SAMD5: variants seen among roughly 807,000 people sequenced by gnomAD.
The protein encoded by SAMD5 is sterile alpha motif domain containing 5, also known as sterile alpha motif domain-containing protein 5.
SAMD5 carries 13 observed loss-of-function variants against 11.3 expected under a neutral mutation model. The ratio of observed to expected loss-of-function variants is 1.15; its 90% CI spans 0.75 to 1.83. The LOEUF (loss-of-function observed/expected upper bound fraction) is 1.83. Ranked by LOEUF, SAMD5 falls within the 40% of genes most tolerant of loss-of-function variation. The pLI, the probability that SAMD5 is intolerant of heterozygous loss-of-function variation, is 0.00. For synonymous variants in SAMD5, 129 were observed against 111.3 expected, an observed-to-expected ratio of 1.16 and a Z score of -1.00; for missense variants, 255 against 239.1, an observed-to-expected ratio of 1.07 and a Z score of -0.44.
intron 1 of SAMD5, among the ~76,000 whole-genome samples, chr6:147,682,192 A>T (rs1339806027): frequency 1.3e-5 from 2 of 151,976 alleles, no homozygotes; most frequent in Non-Finnish European, 2.9e-5. Context: ...TTCTTCCTAT[A>T]CAGTAAGGTG....
chr6:147,912,895 C>CAA, the SAMD5 span, among the ~76,000 whole-genome samples: 3 of 122,160 alleles, frequency 2.5e-5, no homozygotes, highest in Admixed American at 1.6e-4. Context: ...GCTTATTTTA[C>CAA]AAAAAAAAAA....
the SAMD5 span, among the ~76,000 whole-genome samples, chr6:147,804,531 T>TAATA: frequency 6.6e-6 from 1 of 152,220 alleles, no homozygotes; most frequent in Non-Finnish European, 1.5e-5. Flanking sequence ...ACTGCTTGTT[T>TAATA]AATAAATGAA....
intron 1 of SAMD5, among the ~76,000 whole-genome samples, chr6:147,580,586 G>A (rs1057228683): frequency 4.6e-5 from 7 of 152,236 alleles, no homozygotes; most frequent in Non-Finnish European, 7.3e-5. Context: ...TGTGGACGCT[G>A]AGCATGTGCA....
At chr6:147,887,543 A>C in the SAMD5 span, among the ~76,000 whole-genome samples, 3 of 152,190 alleles carry the variant, frequency 2.0e-5, no homozygotes, top group Non-Finnish European at 4.4e-5. Flanking sequence ...ATGGCATTTC[A>C]TTATACTGCT....
At chr6:147,616,429 G>A (rs1789874625) in intron 1 of SAMD5, among the ~76,000 whole-genome samples, 1 of 151,622 alleles carries the variant, frequency 6.6e-6, no homozygotes, top group Non-Finnish European at 1.5e-5. Flanking sequence ...TTTTCCTGGG[G>A]ATTCCTCGGT....
Position 147,509,139 on chromosome 6 carries a change from G to A in SAMD5, c.211G>A (p.Gly71Ser). Reference protein sequence around the residue: ...RLREQDANAAGLYFTLEPQPA... With the variant: ...RLREQDANAASLYFTLEPQPA... ...GCGGGAGCAGGACGCCAACGCCGCCGGCCTCTACTTCACGCTTGAGCCGCA... is the reference window on the plus strand; with the variant it reads ...GCGGGAGCAGGACGCCAACGCCGCCAGCCTCTACTTCACGCTTGAGCCGCA... Residue 71 changes from glycine (G) to serine (S), a missense_variant, in exon 1 of 2, where the codon GGC becomes AGC. Physicochemically the swap from Gly to Ser is moderately conservative, Grantham distance 56 (BLOSUM62 0). Transcript: ENST00000367474. The A allele has an allele frequency of 6.5e-7, 1 of 1,542,430 alleles. No individual in the cohort carries two copies. The highest frequency in any genetic ancestry group is 8.7e-7 in the Non-Finnish European group (1 of 1,147,102).
chr6:147,842,860 C>T, the SAMD5 span, among the ~76,000 whole-genome samples: 1 of 152,118 alleles, frequency 6.6e-6, no homozygotes, highest in Non-Finnish European at 1.5e-5. Flanking sequence ...TTTAACATGT[C>T]AAAAATATCA....
chr6:147,768,516 A>G, the SAMD5 span, among the ~76,000 whole-genome samples: 1 of 152,110 alleles, frequency 6.6e-6, no homozygotes, highest in East Asian at 1.9e-4. Flanking sequence ...CAAAACAACA[A>G]CAACAACAAA....
intron 1 of SAMD5, among the ~76,000 whole-genome samples, chr6:147,691,299 T>A (rs1791100256): frequency 6.6e-6 from 1 of 152,154 alleles, no homozygotes; most frequent in African/African-American, 2.4e-5. Flanking sequence ...CAGCCTTAGG[T>A]ATCTATTATT....
the SAMD5 span, among the ~76,000 whole-genome samples, chr6:147,802,736 G>A: frequency 2.0e-5 from 3 of 151,880 alleles, no homozygotes; most frequent in Non-Finnish European, 2.9e-5. Context: ...AACTACCAGC[G>A]CACACAACAC....
chr6:147,608,687 G>T (rs2128448899), intron 1 of SAMD5, among the ~76,000 whole-genome samples: 1 of 152,080 alleles, frequency 6.6e-6, no homozygotes, highest in Non-Finnish European at 1.5e-5. Flanking sequence ...TGGTTAATGG[G>T]TAAAAAAAGA....
the SAMD5 span, among the ~76,000 whole-genome samples, chr6:147,876,423 G>A: frequency 4.0e-4 from 61 of 152,262 alleles, no homozygotes; most frequent in African/African-American, 1.3e-3. Context: ...CCAGAGAAAT[G>A]AATTACGGTC....
At chr6:147,596,040 G>T (rs919731418) in intron 1 of SAMD5, among the ~76,000 whole-genome samples, 5 of 152,128 alleles carry the variant, frequency 3.3e-5, no homozygotes, top group African/African-American at 1.2e-4. Flanking sequence ...AATACATGCT[G>T]ATTACATGAT....
the SAMD5 span, among the ~76,000 whole-genome samples, chr6:147,916,475 G>A: frequency 6.6e-6 from 1 of 152,092 alleles, no homozygotes; most frequent in Admixed American, 6.5e-5. Context: ...TCTCATTGTG[G>A]TTTTGATTTG....
At chr6:147,644,319 G>T in intron 1 of SAMD5, among the ~76,000 whole-genome samples, 1 of 152,152 alleles carries the variant, frequency 6.6e-6, no homozygotes, top group Non-Finnish European at 1.5e-5. Flanking sequence ...AGTTGGGAGT[G>T]GACCTGGGAA....
chr6:147,952,367 G>A, the SAMD5 span, among the ~76,000 whole-genome samples: 8 of 152,278 alleles, frequency 5.3e-5, no homozygotes, highest in African/African-American at 4.8e-5. Flanking sequence ...CTGGGTAGGC[G>A]TGATATATTA....
At chr6:147,855,359 G>A in the SAMD5 span, among the ~76,000 whole-genome samples, 14 of 152,268 alleles carry the variant, frequency 9.2e-5, no homozygotes, top group African/African-American at 3.4e-4. Context: ...ATGAGAAATT[G>A]TGTGTCTTCA....
At chr6:147,850,781 G>A in the SAMD5 span, among the ~76,000 whole-genome samples, 6 of 151,850 alleles carry the variant, frequency 4.0e-5, no homozygotes, top group Non-Finnish European at 7.4e-5. Context: ...TTTGTCCAGC[G>A]CCTCAGTCCT....
the SAMD5 span, among the ~76,000 whole-genome samples, chr6:147,751,449 G>A: frequency 3.3e-5 from 5 of 152,096 alleles, no homozygotes; most frequent in African/African-American, 1.2e-4. Flanking sequence ...CTGGTACATA[G>A]TAAGCCTCAG....
Sources: gnomAD v4.1 joint callset for allele counts (sites outside exome capture counted in the v4.1 genomes callset) on GRCh38, gnomAD v4.1.1 for gene constraint, MANE v1.5 for transcripts, NCBI Gene and HGNC (gene_info 2026-07-23, HGNC 2026-07-21) for gene names.